The following OSBPL10 variants were observed in gnomAD, a reference collection of about 807,000 sequenced individuals.
The protein encoded by OSBPL10 is oxysterol-binding protein-related protein 10.
In OSBPL10, 49 loss-of-function variants were observed where a neutral mutation model predicts 81.7. That is an observed-to-expected ratio of 0.60 (90% CI 0.48 to 0.76). The LOEUF is 0.76. OSBPL10 is among the 30% of genes least tolerant of loss of function. The probability of loss-of-function intolerance (pLI) is 0.00; values close to 1 mark genes in which losing one functional copy is unlikely to be tolerated. For missense variants in OSBPL10, 923 were observed against 987.8 expected (o/e 0.93, Z 0.88); for synonymous variants, 419 against 383.6 (o/e 1.09, Z -1.08).
At chr3:31,758,161 A>C (rs758091419) in intron 4 of OSBPL10, among the ~76,000 whole-genome samples, 10 of 152,176 alleles carry the variant, frequency 6.6e-5, no homozygotes, top group Non-Finnish European at 1.5e-4. Context: ...GAGGAAGATG[A>C]CATTTATGCC....
chr3:31,764,097 G>C lies in OSBPL10; in HGVS notation c.730-15977C>G, dbSNP rs552834400. Among the ~76,000 whole-genome samples the C allele has an allele frequency of 2.6e-5, 4 of 152,300 alleles. 1 individual carries two copies. The South Asian group carries it at 8.3e-4, about 32-fold the overall frequency. On this transcript the variant is annotated intron_variant, in intron 4 of 11. Coordinates refer to ENST00000396556, the MANE Select transcript of OSBPL10 (RefSeq NM_017784.5). ...ATATAATACACAGTGCTTTGCAAAA[G>C]AGCTAACCGCCCTTTGCAGACACCT...
At chr3:31,802,115 A>G (rs1273753499) in intron 4 of OSBPL10, among the ~76,000 whole-genome samples, 1 of 150,958 alleles carries the variant, frequency 6.6e-6, no homozygotes, top group Non-Finnish European at 1.5e-5. Flanking sequence ...GAGCCACTGC[A>G]CCCAGTCCGC....
intron 2 of OSBPL10, among the ~76,000 whole-genome samples, chr3:31,994,514 ATGG>A (rs1699068931): frequency 6.6e-6 from 1 of 152,068 alleles, no homozygotes; most frequent in South Asian, 2.1e-4. Flanking sequence ...GGATGGATGG[ATGG>A]ATGGATGGAT....
intron 2 of OSBPL10, among the ~76,000 whole-genome samples, chr3:32,019,346 A>T (rs536935954): frequency 5.3e-5 from 8 of 152,340 alleles, no homozygotes; most frequent in African/African-American, 1.9e-4. Flanking sequence ...CCCCATGAAA[A>T]AAAATAAGGC....
chr3:31,916,904 GT>G (rs1174826373), intron 1 of OSBPL10, among the ~76,000 whole-genome samples: 3 of 152,174 alleles, frequency 2.0e-5, no homozygotes, highest in Admixed American at 6.5e-5. Flanking sequence ...TTTAATAAAT[GT>G]TTTTATTGTA....
chr3:31,850,710 A>T (rs765504529), intron 3 of OSBPL10, among the ~76,000 whole-genome samples: 10 of 152,242 alleles, frequency 6.6e-5, no homozygotes, highest in Admixed American at 3.9e-4. Context: ...TCATGCCATC[A>T]TTATAATCAC....
At chr3:31,717,508 A>G (rs1309633062) in intron 6 of OSBPL10, among the ~76,000 whole-genome samples, 5 of 152,238 alleles carry the variant, frequency 3.3e-5, no homozygotes, top group Non-Finnish European at 5.9e-5. Flanking sequence ...TAGAAAAAAA[A>G]GAAATAAACC....
intron 1 of OSBPL10, among the ~76,000 whole-genome samples, chr3:31,920,401 C>T (rs2125705264): frequency 6.6e-6 from 1 of 152,260 alleles, no homozygotes; most frequent in South Asian, 2.1e-4. Flanking sequence ...AGGAAACAAC[C>T]TTACTGAAGG....
intron 1 of OSBPL10, among the ~76,000 whole-genome samples, chr3:31,935,491 A>G (rs192760094): frequency 4.2e-4 from 64 of 151,844 alleles, no homozygotes; most frequent in African/African-American, 1.5e-3. Flanking sequence ...AAGAAGAAAA[A>G]AAAATCTACT....
chr3:31,984,494 A>G (rs1698906325), upstream of OSBPL10, among the ~76,000 whole-genome samples: 1 of 152,102 alleles, frequency 6.6e-6, no homozygotes, highest in Admixed American at 6.6e-5. Flanking sequence ...GGACCTGATG[A>G]GCCAGTTTAC....
At chr3:31,899,765 A>T (rs959787031) in intron 1 of OSBPL10, among the ~76,000 whole-genome samples, 1 of 152,146 alleles carries the variant, frequency 6.6e-6, no homozygotes, top group Non-Finnish European at 1.5e-5. Context: ...AGAATTGCTT[A>T]AAGTCAGGAG....
At chr3:31,812,878 A>T (rs1180111197) in intron 4 of OSBPL10, among the ~76,000 whole-genome samples, 1 of 152,076 alleles carries the variant, frequency 6.6e-6, no homozygotes, top group East Asian at 1.9e-4. Flanking sequence ...GAGAAGGACA[A>T]TTATTTTTGT....
At chr3:31,888,868 GA>G (rs1695812298) in intron 1 of OSBPL10, among the ~76,000 whole-genome samples, 1 of 152,150 alleles carries the variant, frequency 6.6e-6, no homozygotes, top group South Asian at 2.1e-4. Context: ...AGGTTGCAGT[GA>G]GCCGAGATCA....
chr3:31,876,482 A>G lies in OSBPL10; in HGVS notation c.488T>C (p.Val163Ala). The G allele has an allele frequency of 6.2e-7, 1 of 1,613,648 alleles. No individual in the cohort carries two copies. Among genetic ancestry groups the G allele is most frequent in the Non-Finnish European group, 8.5e-7 (1 of 1,179,582 alleles). Residue 163 changes from valine to alanine, a missense_variant, in exon 3 of 12, where the codon GTG becomes GCG. Val to Ala is a moderately conservative substitution (Grantham distance 64). Transcript: ENST00000396556. Reference protein sequence around the residue: ...AADAKEKQFWVTQLRACAKYH... With the variant: ...AADAKEKQFWATQLRACAKYH... ...TTTGGCACAAGCTCGAAGCTGAGTCACCCAGAATTGTTTCTCTTTTGCATC... is the reference window on the plus strand; with the variant it reads ...TTTGGCACAAGCTCGAAGCTGAGTCGCCCAGAATTGTTTCTCTTTTGCATC...
intron 1 of OSBPL10, among the ~76,000 whole-genome samples, chr3:32,046,978 T>A (rs1203970053): frequency 6.6e-6 from 1 of 152,150 alleles, no homozygotes; most frequent in African/African-American, 2.4e-5. Context: ...TCTGGGTAAG[T>A]CCATAGAGTC....
intron 4 of OSBPL10, among the ~76,000 whole-genome samples, chr3:31,794,264 C>G (rs1699120559): frequency 6.6e-6 from 1 of 152,222 alleles, no homozygotes; most frequent in Non-Finnish European, 1.5e-5. Flanking sequence ...CCTGCCTCAG[C>G]TTCCCGAGCA....
At chr3:32,074,098 C>T (rs369427642) in intron 1 of OSBPL10, among the ~76,000 whole-genome samples, 4 of 152,100 alleles carry the variant, frequency 2.6e-5, no homozygotes, top group African/African-American at 7.2e-5. Context: ...CAGCCATCCC[C>T]GCTCTACAGG....
intron 1 of OSBPL10, among the ~76,000 whole-genome samples, chr3:31,928,164 C>T (rs1357093971): frequency 3.9e-5 from 6 of 152,088 alleles, no homozygotes; most frequent in African/African-American, 1.4e-4. Flanking sequence ...TGGAGATTTG[C>T]GGATGGTATT....
chr3:31,886,352 G>T (rs1289793260), intron 1 of OSBPL10, among the ~76,000 whole-genome samples: 3 of 152,086 alleles, frequency 2.0e-5, no homozygotes, highest in Non-Finnish European at 2.9e-5. Context: ...TCCTGGTGAG[G>T]ATCAGTCCCT....
Sources: gnomAD v4.1 joint callset for allele counts (sites outside exome capture counted in the v4.1 genomes callset) on GRCh38, gnomAD v4.1.1 for gene constraint, MANE v1.5 for transcripts, NCBI Gene and HGNC (gene_info 2026-07-23, HGNC 2026-07-21) for gene names.